SLC24A2: variants seen among roughly 807,000 people sequenced by gnomAD.
SLC24A2 encodes sodium/potassium/calcium exchanger 2.
In SLC24A2, 36 loss-of-function variants were observed where a neutral mutation model predicts 62.0. The observed-to-expected ratio is 0.58, with a 90% CI of 0.44 to 0.77. The LOEUF is 0.77. SLC24A2 is among the 30% of genes least tolerant of loss of function. The pLI, the probability that SLC24A2 is intolerant of heterozygous loss-of-function variation, is 0.00. For synonymous variants in SLC24A2, 358 were observed against 294.0 expected (o/e 1.22, Z -2.23); for missense variants, 846 against 817.9 (o/e 1.03, Z -0.42).
At chr9:19,892,117 G>C in the SLC24A2 span, among the ~76,000 whole-genome samples, 62,033 of 151,804 alleles carry the variant, frequency 0.41, 13,222 homozygotes, top group East Asian at 0.84. Flanking sequence ...CTAACTAGTT[G>C]TACTTCAGGG....
the SLC24A2 span, among the ~76,000 whole-genome samples, chr9:20,243,540 C>A: frequency 6.6e-6 from 1 of 152,126 alleles, no homozygotes; most frequent in African/African-American, 2.4e-5. Context: ...TATCTTCAAT[C>A]TGAGATCATT....
chr9:19,798,886 G>A, the SLC24A2 span, among the ~76,000 whole-genome samples: 2 of 152,168 alleles, frequency 1.3e-5, no homozygotes, highest in African/African-American at 4.8e-5. Context: ...GTTAAAAAAT[G>A]TGACTTTTTT....
At chr9:20,235,506 CTG>C in the SLC24A2 span, among the ~76,000 whole-genome samples, 1 of 152,228 alleles carries the variant, frequency 6.6e-6, no homozygotes, top group East Asian at 1.9e-4. Context: ...GAGCGAGACT[CTG>C]TGGGCGTAGG....
chr9:19,706,669 C>T (rs573124626), intron 2 of SLC24A2, among the ~76,000 whole-genome samples: 9 of 152,072 alleles, frequency 5.9e-5, no homozygotes, highest in Non-Finnish European at 1.0e-4. Context: ...TGAGCCACCG[C>T]GCCCGGCCGG....
intron 2 of SLC24A2, among the ~76,000 whole-genome samples, chr9:19,661,709 AT>A (rs1819106505): frequency 6.6e-6 from 1 of 152,142 alleles, no homozygotes; most frequent in Non-Finnish European, 1.5e-5. Flanking sequence ...CATGGTTGGG[AT>A]TTTGGTTTTC....
chr9:19,664,585 G>A (rs1819195542), intron 2 of SLC24A2, among the ~76,000 whole-genome samples: 1 of 152,216 alleles, frequency 6.6e-6, no homozygotes, highest in African/African-American at 2.4e-5. Context: ...CTAATCCACA[G>A]TACCTGTGAA....
chr9:19,696,165 G>A (rs1820185987), intron 2 of SLC24A2, among the ~76,000 whole-genome samples: 1 of 152,134 alleles, frequency 6.6e-6, no homozygotes, highest in Non-Finnish European at 1.5e-5. Flanking sequence ...TATTCCTTAT[G>A]AGAATCTAAT....
At chr9:20,065,855 G>T in the SLC24A2 span, among the ~76,000 whole-genome samples, 2 of 152,084 alleles carry the variant, frequency 1.3e-5, no homozygotes, top group Non-Finnish European at 2.9e-5. Context: ...TAGGCTTTCT[G>T]ATTTCTTGTT....
chr9:19,684,276 T>C (rs1212384293), intron 2 of SLC24A2, among the ~76,000 whole-genome samples: 1 of 152,100 alleles, frequency 6.6e-6, no homozygotes, highest in African/African-American at 2.4e-5. Context: ...CCTTCCCCCA[T>C]TGGAAATCAG....
the SLC24A2 span, among the ~76,000 whole-genome samples, chr9:20,113,845 AT>A: frequency 6.6e-6 from 1 of 152,160 alleles, no homozygotes; most frequent in South Asian, 2.1e-4. Flanking sequence ...CTGCATTCAG[AT>A]TTACATTTCC....
the SLC24A2 span, among the ~76,000 whole-genome samples, chr9:19,823,916 T>C: frequency 6.6e-6 from 1 of 152,238 alleles, no homozygotes; most frequent in African/African-American, 2.4e-5. Context: ...AAACAAGCAA[T>C]GGGGAAATGA....
At chr9:20,086,300 G>GC in the SLC24A2 span, among the ~76,000 whole-genome samples, 1 of 152,022 alleles carries the variant, frequency 6.6e-6, no homozygotes, top group South Asian at 2.1e-4. Flanking sequence ...GGACCACATG[G>GC]CCCGTATTTC....
chr9:20,248,464 C>T, the SLC24A2 span, among the ~76,000 whole-genome samples: 1 of 152,146 alleles, frequency 6.6e-6, no homozygotes, highest in Non-Finnish European at 1.5e-5. Flanking sequence ...ATGGTGAAGG[C>T]CCTTTTCCTG....
chr9:19,661,430 T>C (rs1819096917), intron 2 of SLC24A2, among the ~76,000 whole-genome samples: 1 of 152,300 alleles, frequency 6.6e-6, no homozygotes, highest in South Asian at 2.1e-4. Flanking sequence ...TGCTTTATCA[T>C]CTTTTGGATG....
At chr9:20,066,327 GA>G in the SLC24A2 span, among the ~76,000 whole-genome samples, 1 of 152,130 alleles carries the variant, frequency 6.6e-6, no homozygotes, top group African/African-American at 2.4e-5. Flanking sequence ...GTCATATAAG[GA>G]AGACCACCTG....
chr9:19,981,615 T>C, the SLC24A2 span, among the ~76,000 whole-genome samples: 4 of 152,148 alleles, frequency 2.6e-5, no homozygotes, highest in Admixed American at 6.6e-5. Context: ...CATGCAATCA[T>C]AGGTAGTTGA....
At chr9:20,143,038 G>A in the SLC24A2 span, among the ~76,000 whole-genome samples, 1 of 152,166 alleles carries the variant, frequency 6.6e-6, no homozygotes, top group African/African-American at 2.4e-5. Context: ...ATTATAAACT[G>A]AGGCTCAGAG....
chr9:19,774,823 T>C (rs141594746), intron 2 of SLC24A2, among the ~76,000 whole-genome samples: 1 of 152,340 alleles, frequency 6.6e-6, no homozygotes, highest in African/African-American at 2.4e-5. Flanking sequence ...GGTTTCTTAA[T>C]TGGAAAGGCA....
At chr9:19,658,601 T>C (rs940867764) in intron 2 of SLC24A2, among the ~76,000 whole-genome samples, 2 of 152,228 alleles carry the variant, frequency 1.3e-5, no homozygotes, top group Non-Finnish European at 2.9e-5. Flanking sequence ...AATTGTTCTC[T>C]GTTTGCCCCT....
Sources: allele counts gnomAD v4.1 joint callset (sites outside exome capture counted in the v4.1 genomes callset), GRCh38; gene constraint gnomAD v4.1.1; transcripts MANE v1.5; gene names NCBI Gene and HGNC (gene_info 2026-07-23, HGNC 2026-07-21).